The following HPSE2 variants were observed in gnomAD, a reference collection of about 807,000 sequenced individuals.
HPSE2 encodes the protein heparanase 2 (inactive), also known as inactive heparanase-2.
Under a neutral mutation model 60.5 loss-of-function variants are expected in HPSE2, and 38 were observed. The ratio of observed to expected loss-of-function variants is 0.63; its 90% confidence interval spans 0.48 to 0.82. The LOEUF is 0.82. Ranked by LOEUF, HPSE2 falls within the 40% of genes least tolerant of loss-of-function variation. The probability of loss-of-function intolerance (pLI) is 0.00; values close to 1 mark genes in which losing one functional copy is unlikely to be tolerated. For synonymous variants in HPSE2, 295 were observed against 293.2 expected, an observed-to-expected ratio of 1.01 and a Z score of -0.06; for missense variants, 713 against 740.4, an observed-to-expected ratio of 0.96 and a Z score of 0.43.
At chr10:98,767,314 CAG>C (rs942523874) in intron 3 of HPSE2, among the ~76,000 whole-genome samples, 6 of 151,738 alleles carry the variant, frequency 4.0e-5, no homozygotes, top group Non-Finnish European at 7.4e-5. Context: ...AAAAATAAAC[CAG>C]AGTTACATGT....
rs770066392 is a variant in HPSE2, at chr10:98,585,421, G to A, written c.1320+29483C>T. Among the ~76,000 whole-genome samples the A allele has an allele frequency of 7.3e-5, 11 of 151,608 alleles. 1 individual carries two copies. Among genetic ancestry groups the A allele is most frequent in the East Asian group, 5.9e-4 (3 of 5,050 alleles). On this transcript the variant is annotated intron_variant, in intron 9 of 11. Transcript: ENST00000370552. The stretch of plus-strand genomic sequence containing the variant: ...CAAGTAGCTGGGATTACAGGTGTGC[G>A]CCACCACACCCAGCTAATTTTTTGT...
At chr10:99,149,863 G>T (rs950028810) in intron 2 of HPSE2, among the ~76,000 whole-genome samples, 528 of 144,892 alleles carry the variant, frequency 3.6e-3, no homozygotes, top group African/African-American at 0.013. Flanking sequence ...CCCTATGCTT[G>T]TTTTTTTTTT....
intron 3 of HPSE2, among the ~76,000 whole-genome samples, chr10:99,034,020 C>A (rs1957555750): frequency 6.6e-6 from 1 of 152,122 alleles, no homozygotes; most frequent in Admixed American, 6.5e-5. Context: ...CACCAAAAAC[C>A]TATATGTGCA....
At chr10:99,076,748 A>G (rs1429221701) in intron 3 of HPSE2, among the ~76,000 whole-genome samples, 1 of 152,080 alleles carries the variant, frequency 6.6e-6, no homozygotes, top group East Asian at 1.9e-4. Flanking sequence ...CTTACCTACC[A>G]CCATTACAAT....
intron 3 of HPSE2, among the ~76,000 whole-genome samples, chr10:98,769,441 CATG>C (rs1189736775): frequency 6.6e-6 from 1 of 152,098 alleles, no homozygotes; most frequent in Non-Finnish European, 1.5e-5. Context: ...CTTAAGATGG[CATG>C]ATGACACACT....
chr10:98,492,459 G>A (rs1446899025), intron 9 of HPSE2, among the ~76,000 whole-genome samples: 1 of 140,766 alleles, frequency 7.1e-6, no homozygotes, highest in Non-Finnish European at 1.5e-5. Flanking sequence ...CCGAGATTGC[G>A]CCACTGCACT....
intron 2 of HPSE2, among the ~76,000 whole-genome samples, chr10:99,159,012 T>TA (rs1370139327): frequency 6.6e-6 from 1 of 152,070 alleles, no homozygotes; most frequent in Non-Finnish European, 1.5e-5. Context: ...AAACAGTGCT[T>TA]AGAGAGAAAT....
At chr10:99,097,759 C>T (rs1399591156) in intron 3 of HPSE2, among the ~76,000 whole-genome samples, 1 of 152,120 alleles carries the variant, frequency 6.6e-6, no homozygotes, top group Admixed American at 6.5e-5. Flanking sequence ...AAACTATAAT[C>T]CTACGAACTA....
At chr10:98,903,665 T>C (rs1953730043) in intron 3 of HPSE2, among the ~76,000 whole-genome samples, 4 of 152,154 alleles carry the variant, frequency 2.6e-5, no homozygotes, top group Admixed American at 2.6e-4. Context: ...ACTAAAATAA[T>C]TTGTGATGCT....
intron 3 of HPSE2, among the ~76,000 whole-genome samples, chr10:99,070,985 C>A (rs1842770752): frequency 6.6e-6 from 1 of 151,952 alleles, no homozygotes; most frequent in Admixed American, 6.6e-5. Flanking sequence ...GTGAAAATAT[C>A]TCTTCAATAT....
chr10:98,629,296 C>T (rs1338154963), intron 7 of HPSE2, among the ~76,000 whole-genome samples: 2 of 152,206 alleles, frequency 1.3e-5, no homozygotes. Flanking sequence ...TCACGAAGAA[C>T]AGTAGCTCTT....
chr10:98,969,143 G>A (rs919930422), intron 3 of HPSE2, among the ~76,000 whole-genome samples: 2 of 151,602 alleles, frequency 1.3e-5, no homozygotes, highest in African/African-American at 2.4e-5. Flanking sequence ...TACAAAATGC[G>A]AGAGAGCATG....
Position 98,457,580 on chromosome 10 carries a change from C to G in HPSE2, c.*1994G>C. 1 of 152,358 alleles carries G rather than the reference C, an allele frequency of 6.6e-6. No homozygotes were observed. Among genetic ancestry groups the G allele is most frequent in the Non-Finnish European group, 1.5e-5 (1 of 68,050 alleles). The allele number at this position is 152,358 out of a possible 1,614,324, so 9.4% of individuals were successfully genotyped here. On this transcript the variant is annotated 3_prime_UTR_variant, in exon 12 of 12. Transcript: ENST00000370552. The stretch of plus-strand genomic sequence containing the variant: ...CACCTGTACCAGTATGTAGAAGAGA[C>G]GTTGATATCTGCACACATTTTTAAC...
chr10:98,747,615 C>T (rs1376884161), intron 3 of HPSE2, among the ~76,000 whole-genome samples: 2 of 152,184 alleles, frequency 1.3e-5, no homozygotes, highest in African/African-American at 4.8e-5. Context: ...GGAAATACTT[C>T]TTTAAGAATA....
chr10:98,590,981 C>T (rs1945073734), intron 9 of HPSE2, among the ~76,000 whole-genome samples: 1 of 152,136 alleles, frequency 6.6e-6, no homozygotes. Context: ...ATGTAAAATG[C>T]TTAGACCATC....
intron 3 of HPSE2, among the ~76,000 whole-genome samples, chr10:98,984,986 C>T (rs1282754796): frequency 1.3e-5 from 2 of 152,086 alleles, no homozygotes; most frequent in Admixed American, 1.3e-4. Flanking sequence ...AAATATGGGA[C>T]TATGTGAAAA....
intron 3 of HPSE2, among the ~76,000 whole-genome samples, chr10:98,955,571 A>G (rs1243494409): frequency 6.6e-6 from 1 of 152,210 alleles, no homozygotes; most frequent in African/African-American, 2.4e-5. Context: ...ACCTAGAATC[A>G]GAAATACCAT....
chr10:98,992,499 C>T (rs1281294787), intron 3 of HPSE2, among the ~76,000 whole-genome samples: 1 of 152,166 alleles, frequency 6.6e-6, no homozygotes, highest in African/African-American at 2.4e-5. Flanking sequence ...CAAGGCACAG[C>T]TCAGCCTCTG....
At chr10:98,887,549 G>A (rs748523334) in intron 3 of HPSE2, among the ~76,000 whole-genome samples, 7 of 152,076 alleles carry the variant, frequency 4.6e-5, no homozygotes, top group Admixed American at 4.6e-4. Flanking sequence ...CAGAACATCC[G>A]AGGTGTAGGG....
Sources: allele counts gnomAD v4.1 joint callset (sites outside exome capture counted in the v4.1 genomes callset), GRCh38; gene constraint gnomAD v4.1.1; transcripts MANE v1.5; gene names NCBI Gene and HGNC (gene_info 2026-07-23, HGNC 2026-07-21).